The following LRRK2 variants were observed in gnomAD, a reference collection of about 807,000 sequenced individuals.
LRRK2 encodes the protein leucine rich repeat kinase 2.
LRRK2 carries 203 observed loss-of-function variants against 302.6 expected under a neutral mutation model. That is an observed-to-expected ratio of 0.67 (90% CI 0.60 to 0.75). LRRK2 has a LOEUF of 0.75. Ranked by LOEUF, LRRK2 falls within the 30% of genes least tolerant of loss-of-function variation. The pLI is 0.00. For synonymous variants in LRRK2, 1,066 were observed against 1,031.9 expected (o/e 1.03, Z -0.63); for missense variants, 2,830 against 2,951.0 (o/e 0.96, Z 0.95).
At chr12:40,253,796 T>C (rs1023809493) in intron 11 of LRRK2, among the ~76,000 whole-genome samples, 16 of 152,350 alleles carry the variant, frequency 1.1e-4, no homozygotes, top group African/African-American at 3.8e-4. Flanking sequence ...CTGGAACCCA[T>C]AGTAAACACC....
chr12:40,349,942 A>G (rs1946303923), intron 43 of LRRK2, among the ~76,000 whole-genome samples: 1 of 152,232 alleles, frequency 6.6e-6, no homozygotes, highest in Non-Finnish European at 1.5e-5. Context: ...ATTGCTTTAA[A>G]TGCAGTTCAT....
At position 40,251,224 on chromosome 12, in the gene LRRK2, T is replaced by G; in HGVS notation, c.959-8T>G. ...AATGTTTTTATATATTTTTCAATTT[T>G]TTTCAAGCTGAGACTATTTTCTTAA... On this transcript the variant is annotated splice_polypyrimidine_tract_variant and splice_region_variant and intron_variant, in intron 8 of 50. Transcript: ENST00000298910. 6.5e-7 allele frequency: 1 copy of G among 1,535,938 alleles called. No individual in the cohort carries two copies.
chr12:40,287,252 C>G, intron 19 of LRRK2, 99 bp from the exon 20 acceptor site: 3 of 1,022,906 alleles, frequency 2.9e-6, no homozygotes, highest in African/African-American at 3.2e-5. Context: ...TAGAAATATT[C>G]TCCAGAAGCA....
chr12:40,289,704 G>C (rs1227249911), intron 20 of LRRK2, among the ~76,000 whole-genome samples: 1 of 151,352 alleles, frequency 6.6e-6, no homozygotes, highest in African/African-American at 2.4e-5. Context: ...ATTATAGATG[G>C]TATTGTATTT....
At chr12:40,247,065 G>A (rs140818306) in intron 7 of LRRK2, among the ~76,000 whole-genome samples, 4 of 152,158 alleles carry the variant, frequency 2.6e-5, no homozygotes, top group African/African-American at 9.6e-5. Flanking sequence ...TATTATAATA[G>A]GCATTTAGTT....
chr12:40,322,273 G>A (rs772795583), intron 36 of LRRK2, 46 bp from the exon 37 acceptor site: 3 of 1,605,572 alleles, frequency 1.9e-6, no homozygotes, highest in African/African-American at 1.3e-5. Flanking sequence ...CTTTGCGACA[G>A]TATGAGGTTT....
intron 48 of LRRK2, among the ~76,000 whole-genome samples, chr12:40,364,498 T>G (rs1318751358): frequency 1.3e-5 from 2 of 149,468 alleles, no homozygotes; most frequent in Non-Finnish European, 3.0e-5. Flanking sequence ...AGACTTCATG[T>G]AAAACTTTTG....
intron 49 of LRRK2, 174 bp from the exon 50 acceptor site, chr12:40,366,832 T>C (rs1946893306): frequency 1.8e-6 from 1 of 544,202 alleles, no homozygotes; most frequent in South Asian, 2.1e-5. Flanking sequence ...TTTTGTTATT[T>C]TTTAAAAAAA....
In LRRK2 at chr12:40,251,337, A is replaced by G. The variant is rs146562427; in HGVS notation, c.1064A>G (p.Lys355Arg). 2.5e-5 allele frequency: 40 copies of G among 1,613,920 alleles called. No individual in the cohort carries two copies. In the African/African-American group the frequency reaches 4.8e-4, roughly 19 times the overall value. Residue 355 changes from lysine to arginine, a missense_variant, in exon 9 of 51, where the codon AAA becomes AGA. Coordinates refer to ENST00000298910, the MANE Select transcript of LRRK2 (RefSeq NM_198578.4). ...DKLFWLEACYKALTWHRKNKH... is the reference protein window; with the variant it reads ...DKLFWLEACYRALTWHRKNKH... ...TTGTTTTGGCTGGAAGCCTGTTACA[A>G]AGCATTAACGTGGCATAGAAAGAAC...
At chr12:40,298,021 C>G (rs1204873682) in intron 23 of LRRK2, among the ~76,000 whole-genome samples, 1 of 151,840 alleles carries the variant, frequency 6.6e-6, no homozygotes, top group African/African-American at 2.4e-5. Context: ...TGTGAACCTG[C>G]TTTTTACAAT....
intron 41 of LRRK2, among the ~76,000 whole-genome samples, chr12:40,344,697 A>G (rs1313751406): frequency 6.6e-6 from 1 of 152,174 alleles, no homozygotes; most frequent in African/African-American, 2.4e-5. Flanking sequence ...GCACTTTATT[A>G]GGGATATGTT....
intron 6 of LRRK2, among the ~76,000 whole-genome samples, chr12:40,242,442 A>T (rs1230740816): frequency 2.0e-5 from 3 of 151,898 alleles, no homozygotes; most frequent in Non-Finnish European, 4.4e-5. Context: ...TTTCTGGTAG[A>T]GTCTTTCTTT....
rs554907984 is a variant in LRRK2 at position 40,361,192 on chromosome 12, G to T, written c.7028+1748G>T. On this transcript the variant is annotated intron_variant, in intron 47 of 50. Coordinates refer to ENST00000298910, the MANE Select transcript of LRRK2 (RefSeq NM_198578.4). The stretch of plus-strand genomic sequence containing the variant: ...ATATTTGAGGTTAAGATATACTGCG[G>T]AGTGCAGTGTATTATAAGTTCCCAT... Among the ~76,000 whole-genome samples the T allele has an allele frequency of 8.4e-4, 127 of 152,078 alleles. 2 individuals are homozygous for T. The highest frequency in any genetic ancestry group is 1.2e-3 in the Non-Finnish European group (84 of 67,966).
intron 27 of LRRK2, chr12:40,304,807 A>G (rs899459427): frequency 6.6e-6 from 1 of 152,060 alleles, no homozygotes; most frequent in Non-Finnish European, 1.5e-5. Flanking sequence ...CCTATGGTAA[A>G]TGGATATGGT....
intron 39 of LRRK2, among the ~76,000 whole-genome samples, chr12:40,328,949 T>C (rs1249823022): frequency 6.6e-6 from 1 of 152,224 alleles, no homozygotes; most frequent in African/African-American, 2.4e-5. Flanking sequence ...AGAGTATTTA[T>C]CTTTTACTTT....
At chr12:40,231,519 A>T (rs1455760764) in intron 2 of LRRK2, among the ~76,000 whole-genome samples, 1 of 146,576 alleles carries the variant, frequency 6.8e-6, no homozygotes, top group African/African-American at 2.5e-5. Flanking sequence ...TGATTGCACC[A>T]TTGCACTCCA....
chr12:40,251,877 C>T (rs578069293), intron 10 of LRRK2, among the ~76,000 whole-genome samples: 9 of 152,092 alleles, frequency 5.9e-5, no homozygotes, highest in Non-Finnish European at 1.3e-4. Flanking sequence ...ATTGCAGAGC[C>T]ATCTGTGATC....
rs1686840983 is a variant in LRRK2, at chr12:40,278,082, T to C, written c.2071-9T>C. ...ATCTGACTCTAATTCTCATTTCCAC[T>C]CTTTTTAGTTTCTAAACCTCTGTTG... On this transcript the variant is annotated splice_polypyrimidine_tract_variant and intron_variant, in intron 17 of 50. Transcript: ENST00000298910. 6.2e-7 allele frequency: 1 copy of C among 1,613,994 alleles called. No homozygotes were observed. Among genetic ancestry groups the C allele is most frequent in the Non-Finnish European group, 8.5e-7 (1 of 1,179,986 alleles).
chr12:40,310,588 A>C lies in LRRK2; in HGVS notation c.4475A>C (p.Glu1492Ala), dbSNP rs762601526. The change falls in exon 31 of 51, where the codon GAG becomes GCG. Residue 1492 changes from glutamate (E) to alanine (A), a missense_variant. Glu to Ala is a moderately radical substitution (Grantham distance 107). Around this residue, in one of 3 missense-constraint regions of LRRK2, gnomAD observed 2,121 missense variants for 2,148.0 expected, o/e 0.99. Coordinates refer to ENST00000298910, the MANE Select transcript of LRRK2 (RefSeq NM_198578.4). ...GATTACCACTTTGTGAATGCCACCG[A>C]GGAATCTGATGCTTTGGCAAAACTT... Reference protein sequence around the residue: ...IRDYHFVNATEESDALAKLRK... With the variant: ...IRDYHFVNATAESDALAKLRK... 6.2e-7 allele frequency: 1 copy of C among 1,612,646 alleles called. No individual in the cohort carries two copies. The highest frequency in any genetic ancestry group is 1.1e-5 in the South Asian group (1 of 90,934).
Sources: allele counts gnomAD v4.1 joint callset (sites outside exome capture counted in the v4.1 genomes callset), GRCh38; gene constraint gnomAD v4.1.1; regional missense constraint gnomAD v4.1.1; transcripts MANE v1.5; gene names NCBI Gene and HGNC (gene_info 2026-07-23, HGNC 2026-07-21).